VSIG1: variants seen among roughly 807,000 people sequenced by gnomAD.
The protein encoded by VSIG1 is V-set and immunoglobulin domain containing 1.
A neutral mutation model predicts 20.1 loss-of-function variants in VSIG1; 11 were observed. The observed-to-expected ratio is 0.55, with a 90% confidence interval of 0.34 to 0.91. The LOEUF (loss-of-function observed/expected upper bound fraction) is 0.91, where lower values mean the gene tolerates loss of function less well. Among genes scored for constraint, VSIG1 ranks in the 40% least tolerant of loss-of-function variants. VSIG1 has a pLI of 0.02. For synonymous variants in VSIG1, 126 were observed against 116.7 expected, an observed-to-expected ratio of 1.08 and a Z score of -0.52; for missense variants, 283 against 298.8, an observed-to-expected ratio of 0.95 and a Z score of 0.39.
At chrX:108,056,349 T>C (rs1269562756) in intron 1 of VSIG1, among the ~76,000 whole-genome samples, 2 of 111,737 alleles carry the variant, frequency 1.8e-5, no homozygotes, top group African/African-American at 6.5e-5. Flanking sequence ...TTTTGCCCTA[T>C]GATTGGAAAC....
At chrX:108,068,455 G>A (rs895294387) in intron 3 of VSIG1, among the ~76,000 whole-genome samples, 1 of 111,565 alleles carries the variant, frequency 9.0e-6, no homozygotes, top group African/African-American at 3.3e-5. Flanking sequence ...ATTGTCTCAC[G>A]GTTCTGCAGG....
Position 108,047,981 on chromosome X carries a change from T to C in VSIG1, c.49+2802T>C, listed in dbSNP as rs1339119979. On this transcript the variant is annotated intron_variant, in intron 1 of 6. Transcript: ENST00000217957. ...ACACACATATATATATATATATATA[T>C]ATATATATATATATATATATACACA... is the stretch of plus-strand genomic sequence containing the variant. Among the ~76,000 whole-genome samples, 7 of 66,084 alleles carry C rather than the reference T, an allele frequency of 1.1e-4. 1 individual carries two copies. The highest frequency in any genetic ancestry group is 1.5e-3 in the South Asian group (2 of 1,320). 57.4% of individuals were successfully genotyped at this position (66,084 alleles called of 115,157 possible). A position where few individuals can be genotyped will look rare whatever the true frequency, so the allele number is the denominator to read the frequency against.
the VSIG1 span, among the ~76,000 whole-genome samples, chrX:108,036,904 C>T: frequency 8.9e-6 from 1 of 111,819 alleles, no homozygotes; most frequent in African/African-American, 3.3e-5. Flanking sequence ...ACTTTCACTG[C>T]ATAACAACAT....
the VSIG1 span, among the ~76,000 whole-genome samples, chrX:108,032,952 A>C: frequency 9.0e-6 from 1 of 111,547 alleles, no homozygotes; most frequent in East Asian, 2.8e-4. Flanking sequence ...AGCTTTCCCT[A>C]CAGATAGATG....
Position 108,078,197 on chromosome X carries a change from A to G in VSIG1, c.*816A>G, listed in dbSNP as rs764985581. The stretch of plus-strand genomic sequence containing the variant: ...AGAGGAGAATATGTAAAGGGTATAC[A>G]TTAATTGGTACGTAGCATTTAAAAT... On this transcript the variant is annotated 3_prime_UTR_variant, in exon 7 of 7. Coordinates refer to ENST00000217957, the MANE Select transcript of VSIG1 (RefSeq NM_182607.5). 1 of 112,474 alleles carries G rather than the reference A, an allele frequency of 8.9e-6. No individual in the cohort carries two copies. Among genetic ancestry groups the G allele is most frequent in the East Asian group, 2.8e-4 (1 of 3,612 alleles). 9.3% of individuals were successfully genotyped at this position (112,474 alleles called of 1,213,427 possible). A position where few individuals can be genotyped will look rare whatever the true frequency, so the allele number is the denominator to read the frequency against.
chrX:108,063,444 C>T (rs777733408), intron 2 of VSIG1, among the ~76,000 whole-genome samples: 3 of 111,202 alleles, frequency 2.7e-5, no homozygotes, highest in African/African-American at 6.5e-5. Flanking sequence ...GTTTACTAAC[C>T]GCAGGCCTCT....
Position 108,072,650 on chromosome X carries a change from T to C in VSIG1, c.413-27T>C, listed in dbSNP as rs755896067. Reference sequence around the variant, plus strand: ...ACAGAATGCCATTCATCCTAAAGAATTTTTATTCTTTGTCATTGCCTTACA... The same window carrying C: ...ACAGAATGCCATTCATCCTAAAGAACTTTTATTCTTTGTCATTGCCTTACA... On this transcript the variant is annotated intron_variant, in intron 3 of 6. Coordinates refer to ENST00000217957, the MANE Select transcript of VSIG1 (RefSeq NM_182607.5). The C allele has an allele frequency of 5.9e-6, 7 of 1,194,181 alleles. No homozygotes were observed. The South Asian group carries it at 1.1e-4, about 19-fold the overall frequency.
chrX:108,076,796 CTCTT>C (rs773377171), intron 6 of VSIG1, among the ~76,000 whole-genome samples: 32 of 112,137 alleles, frequency 2.9e-4, no homozygotes, highest in African/African-American at 1.0e-3. Context: ...GATTCTTAGA[CTCTT>C]TCATTCTGAC....
At chrX:108,056,811 T>G (rs1254519628) in intron 1 of VSIG1, among the ~76,000 whole-genome samples, 1 of 112,335 alleles carries the variant, frequency 8.9e-6, no homozygotes, top group Non-Finnish European at 1.9e-5. Flanking sequence ...GGTACAGTCA[T>G]TCTGGAAAAC....
At chrX:108,028,695 C>T in the VSIG1 span, among the ~76,000 whole-genome samples, 1 of 111,255 alleles carries the variant, frequency 9.0e-6, no homozygotes, top group Admixed American at 9.6e-5. Flanking sequence ...AGTAGTTCCC[C>T]ATTGAGCCAA....
At chrX:108,075,682 G>A (rs989320778) in intron 5 of VSIG1, among the ~76,000 whole-genome samples, 13 of 111,269 alleles carry the variant, frequency 1.2e-4, no homozygotes, top group African/African-American at 4.3e-4. Context: ...AGGTTCCTTC[G>A]TAAGCATTGA....
At chrX:108,032,024 C>T in the VSIG1 span, among the ~76,000 whole-genome samples, 1 of 111,777 alleles carries the variant, frequency 8.9e-6, no homozygotes, top group African/African-American at 3.3e-5. Context: ...ACTTGTTGTT[C>T]CCTCTGCTTG....
At chrX:108,023,169 A>G in the VSIG1 span, among the ~76,000 whole-genome samples, 3 of 112,226 alleles carry the variant, frequency 2.7e-5, no homozygotes, top group Non-Finnish European at 5.6e-5. Context: ...CAGTGCTTTT[A>G]TTATGAAGGA....
In VSIG1 at chrX:108,077,695, T is replaced by C. The variant is rs1602586948; in HGVS notation, c.*314T>C. 1.6e-5 allele frequency: 4 copies of C among 253,062 alleles called. No homozygotes were observed. In the East Asian group the frequency reaches 2.7e-4, roughly 17 times the overall value. 20.9% of individuals were successfully genotyped at this position (253,062 alleles called of 1,213,427 possible). A position where few individuals can be genotyped will look rare whatever the true frequency, so the allele number is the denominator to read the frequency against. Reference sequence around the variant, plus strand: ...TTGTTATTTCAGAAAATATTATTTCTCTCTTTTTAACTACTCTTTTTTTTT... The same window carrying C: ...TTGTTATTTCAGAAAATATTATTTCCCTCTTTTTAACTACTCTTTTTTTTT... On this transcript the variant is annotated 3_prime_UTR_variant, in exon 7 of 7. Coordinates refer to ENST00000217957, the MANE Select transcript of VSIG1 (RefSeq NM_182607.5).
intron 4 of VSIG1, 23 bp downstream of exon 4, chrX:108,072,855 C>T: frequency 8.4e-7 from 1 of 1,196,592 alleles, no homozygotes; most frequent in Non-Finnish European, 1.1e-6. Flanking sequence ...TGCAGTAGAC[C>T]CTGGAAAGGC....
At chrX:108,051,540 TA>T (rs2030785517) in intron 1 of VSIG1, among the ~76,000 whole-genome samples, 1 of 111,556 alleles carries the variant, frequency 9.0e-6, no homozygotes, top group African/African-American at 3.3e-5. Flanking sequence ...ACTGCAAAAA[TA>T]AAAAATGTAA....
In VSIG1 at chrX:108,076,141, C is replaced by A; in HGVS notation, c.753C>A (p.Ile251=). Residue 251 remains isoleucine, a synonymous_variant, in exon 6 of 7, where the codon ATC becomes ATA. Transcript: ENST00000217957. ...IGSLVGAAII[I]SVVCFARNKA... ...GCCTGGTAGGTGCCGCCATCATCAT[C>A]TCTGTTGTGTGCTTCGCAAGGAATA... 1 of 1,211,556 alleles carries A rather than the reference C, an allele frequency of 8.3e-7. No individual in the cohort carries two copies. The highest frequency in any genetic ancestry group is 1.1e-6 in the Non-Finnish European group (1 of 895,277).
chrX:108,047,489 C>A (rs1343583938), intron 1 of VSIG1, among the ~76,000 whole-genome samples: 1 of 110,114 alleles, frequency 9.1e-6, no homozygotes, highest in Non-Finnish European at 1.9e-5. Flanking sequence ...ATATGCTATG[C>A]ATTTTAAAGG....
In VSIG1 at chrX:108,077,855, G is replaced by A. The variant is rs2031382519; in HGVS notation, c.*474G>A. The A allele has an allele frequency of 8.9e-6, 1 of 112,179 alleles. No individual in the cohort carries two copies. Among genetic ancestry groups the A allele is most frequent in the Admixed American group, 9.4e-5 (1 of 10,591 alleles). The allele number at this position is 112,179 out of a possible 1,213,427, so 9.2% of individuals were successfully genotyped here. A position where few individuals can be genotyped will look rare whatever the true frequency, so the allele number is the denominator to read the frequency against. ...CCTGAGTAGCTGGGACTACAGGCAC[G>A]TGCCACCACGCCCGGCTAATTTTTT... On this transcript the variant is annotated 3_prime_UTR_variant, in exon 7 of 7. Transcript: ENST00000217957.
Sources: gnomAD v4.1 joint callset for allele counts (sites outside exome capture counted in the v4.1 genomes callset) on GRCh38, gnomAD v4.1.1 for gene constraint, MANE v1.5 for transcripts, NCBI Gene and HGNC (gene_info 2026-07-23, HGNC 2026-07-21) for gene names.